SH3RF1: variants seen among roughly 807,000 people sequenced by gnomAD.
The protein encoded by SH3RF1 is SH3 domain containing ring finger 1, also known as E3 ubiquitin-protein ligase SH3RF1.
Under a neutral mutation model 74.0 loss-of-function variants are expected in SH3RF1, and 32 were observed. The ratio of observed to expected loss-of-function variants is 0.43; its 90% CI spans 0.33 to 0.58. The LOEUF is 0.58. SH3RF1 is among the 20% of genes least tolerant of loss of function. The pLI is 0.05. For missense variants in SH3RF1, 954 were observed against 1,130.9 expected (o/e 0.84, Z 2.24); for synonymous variants, 396 against 439.6 (o/e 0.90, Z 1.24).
intron 2 of SH3RF1, among the ~76,000 whole-genome samples, chr4:169,199,514 A>G (rs115754399): frequency 0.01 from 1,554 of 152,256 alleles, 33 homozygotes; most frequent in African/African-American, 0.036. Context: ...CTTGGCCCCA[A>G]CATGGTAAAA....
chr4:169,244,194 T>A (rs1561063112), intron 2 of SH3RF1, among the ~76,000 whole-genome samples: 1 of 152,228 alleles, frequency 6.6e-6, no homozygotes, highest in Non-Finnish European at 1.5e-5. Context: ...TTCTCATACA[T>A]GTTATTTCTA....
intron 2 of SH3RF1, among the ~76,000 whole-genome samples, chr4:169,189,423 C>T (rs1734661565): frequency 6.6e-6 from 1 of 152,208 alleles, no homozygotes; most frequent in African/African-American, 2.4e-5. Context: ...AGTTTTCTTA[C>T]TCCTCATCAC....
At chr4:169,140,665 T>C (rs1411701763) in intron 4 of SH3RF1, among the ~76,000 whole-genome samples, 1 of 152,158 alleles carries the variant, frequency 6.6e-6, no homozygotes, top group African/African-American at 2.4e-5. Flanking sequence ...AACTTTTTTG[T>C]GTGTATGGTT....
intron 4 of SH3RF1, among the ~76,000 whole-genome samples, chr4:169,148,246 G>A (rs1262266228): frequency 6.6e-6 from 1 of 152,208 alleles, no homozygotes; most frequent in Non-Finnish European, 1.5e-5. Flanking sequence ...GAAGTCTAGG[G>A]AAGCGATGAA....
chr4:169,162,044 G>A (rs891341959), intron 2 of SH3RF1, among the ~76,000 whole-genome samples: 4 of 152,062 alleles, frequency 2.6e-5, no homozygotes, highest in African/African-American at 9.7e-5. Context: ...GCACGGTGGT[G>A]GTGCGCCTAC....
chr4:169,173,758 T>C (rs1275028693), intron 2 of SH3RF1, among the ~76,000 whole-genome samples: 2 of 152,186 alleles, frequency 1.3e-5, no homozygotes, highest in Admixed American at 1.3e-4. Context: ...GCTACCTTTT[T>C]TTTTAATAAG....
chr4:169,130,585 T>C (rs1733602885), intron 5 of SH3RF1, among the ~76,000 whole-genome samples: 1 of 152,232 alleles, frequency 6.6e-6, no homozygotes, highest in Non-Finnish European at 1.5e-5. Flanking sequence ...TAAATCTATG[T>C]GAAATTCTTC....
chr4:169,222,886 C>T (rs193151277), intron 2 of SH3RF1, among the ~76,000 whole-genome samples: 1 of 152,196 alleles, frequency 6.6e-6, no homozygotes, highest in African/African-American at 2.4e-5. Flanking sequence ...ATGGCAAGTT[C>T]TCAGCTGTCT....
At chr4:169,199,701 C>A (rs553599386) in intron 2 of SH3RF1, among the ~76,000 whole-genome samples, 10 of 151,790 alleles carry the variant, frequency 6.6e-5, no homozygotes, top group Admixed American at 6.6e-4. Context: ...TTCCAATCCA[C>A]TGGGAATAAG....
At chr4:169,114,649 A>C (rs1232767295) in intron 10 of SH3RF1, among the ~76,000 whole-genome samples, 1 of 152,228 alleles carries the variant, frequency 6.6e-6, no homozygotes, top group Non-Finnish European at 1.5e-5. Flanking sequence ...AAGCCTTAAA[A>C]TCTAAACCAT....
At chr4:169,115,322 G>A (rs1733312328) in intron 10 of SH3RF1, among the ~76,000 whole-genome samples, 1 of 152,334 alleles carries the variant, frequency 6.6e-6, no homozygotes, top group East Asian at 1.9e-4. Flanking sequence ...GAGGTGAGCT[G>A]CAGGTGAGTG....
chr4:169,109,280 A>G (rs1246668173), intron 10 of SH3RF1, among the ~76,000 whole-genome samples: 2 of 152,260 alleles, frequency 1.3e-5, no homozygotes, highest in South Asian at 4.1e-4. Flanking sequence ...GTTTCTTAAA[A>G]GCTCAGTTCT....
chr4:169,148,957 A>G (rs1733934652), intron 4 of SH3RF1, among the ~76,000 whole-genome samples: 1 of 152,194 alleles, frequency 6.6e-6, no homozygotes, highest in Admixed American at 6.5e-5. Context: ...AGGTTAAAGA[A>G]CTTGGCGATT....
intron 8 of SH3RF1, among the ~76,000 whole-genome samples, chr4:169,119,807 C>T (rs187736944): frequency 1.3e-3 from 191 of 152,098 alleles, no homozygotes; most frequent in Middle Eastern, 3.4e-3. Context: ...TAAAATCAGG[C>T]GGTTTGAGGA....
intron 2 of SH3RF1, among the ~76,000 whole-genome samples, chr4:169,267,605 C>A (rs867502846): frequency 1.6e-4 from 25 of 152,134 alleles, no homozygotes; most frequent in African/African-American, 5.6e-4. Context: ...AACCTGACAG[C>A]CTTAATGATG....
intron 11 of SH3RF1, among the ~76,000 whole-genome samples, chr4:169,103,541 G>C (rs967995945): frequency 6.6e-6 from 1 of 152,098 alleles, no homozygotes; most frequent in Non-Finnish European, 1.5e-5. Flanking sequence ...TTTCAGCATT[G>C]AGCACTTTTT....
intron 2 of SH3RF1, among the ~76,000 whole-genome samples, chr4:169,217,764 T>C (rs553100361): frequency 1.3e-5 from 2 of 152,294 alleles, no homozygotes; most frequent in Admixed American, 6.5e-5. Flanking sequence ...TATAGATGGA[T>C]TCTGGCTAGT....
intron 5 of SH3RF1, among the ~76,000 whole-genome samples, chr4:169,133,735 A>G (rs1025999602): frequency 5.9e-5 from 9 of 152,190 alleles, no homozygotes; most frequent in African/African-American, 1.9e-4. Context: ...AGACAGTGCC[A>G]CTGCACTCTA....
intron 11 of SH3RF1, among the ~76,000 whole-genome samples, chr4:169,104,160 G>A (rs1733091473): frequency 2.0e-5 from 3 of 152,110 alleles, no homozygotes; most frequent in Non-Finnish European, 4.4e-5. Context: ...GAGGGAGGCT[G>A]CAGTGCCCAT....
Sources: gnomAD v4.1 joint callset for allele counts (sites outside exome capture counted in the v4.1 genomes callset) on GRCh38, gnomAD v4.1.1 for gene constraint, MANE v1.5 for transcripts, NCBI Gene and HGNC (gene_info 2026-07-23, HGNC 2026-07-21) for gene names.